BTC: variants seen among roughly 807,000 people sequenced by gnomAD.
BTC encodes probetacellulin.
In BTC, 13 loss-of-function variants were observed where a neutral mutation model predicts 18.1. The observed-to-expected ratio is 0.72, with a 90% CI of 0.47 to 1.14. The LOEUF is 1.14. Among genes scored for constraint, BTC ranks in the 50% most tolerant of loss-of-function variants. BTC has a pLI of 0.00. For synonymous variants in BTC, 83 were observed against 79.4 expected (o/e 1.05, Z -0.24); for missense variants, 247 against 224.2 (o/e 1.10, Z -0.65).
At chr4:74,769,959 T>TA in intron 2 of BTC, 99 bp downstream of exon 2, 1 of 983,390 alleles carries the variant, frequency 1.0e-6, no homozygotes, top group South Asian at 1.5e-5. Flanking sequence ...CAGTGACTGG[T>TA]ACCTTAATAT....
At chr4:74,765,855 A>T (rs1724887981) in intron 2 of BTC, among the ~76,000 whole-genome samples, 1 of 152,128 alleles carries the variant, frequency 6.6e-6, no homozygotes, top group African/African-American at 2.4e-5. Flanking sequence ...TGACAGGGAT[A>T]TGTTTGGAGA....
Position 74,746,254 on chromosome 4 carries a change from A to C in BTC, c.*423T>G, listed in dbSNP as rs1327190799. 6.6e-6 allele frequency: 1 copy of C among 152,312 alleles called. No homozygotes were observed. The highest frequency in any genetic ancestry group is 1.9e-4 in the East Asian group (1 of 5,190). The allele number at this position is 152,312 out of a possible 1,614,324, so 9.4% of individuals were successfully genotyped here. A position where few individuals can be genotyped will look rare whatever the true frequency, so the allele number is the denominator to read the frequency against. ...GTAGGAAATGAGGATTATAATAGCT[A>C]TCTCATGGATTGCTGAAAGGAATAA... On this transcript the variant is annotated 3_prime_UTR_variant, in exon 6 of 6. Transcript: ENST00000395743.
intron 3 of BTC, among the ~76,000 whole-genome samples, chr4:74,754,568 G>T (rs1176211783): frequency 6.6e-6 from 1 of 152,088 alleles, no homozygotes; most frequent in African/African-American, 2.4e-5. Flanking sequence ...AAGCTTTCTG[G>T]GCTACAAGAA....
chr4:74,769,558 G>C (rs1191711499), intron 2 of BTC, among the ~76,000 whole-genome samples: 6 of 152,160 alleles, frequency 3.9e-5, no homozygotes, highest in Non-Finnish European at 8.8e-5. Flanking sequence ...TACTGCCTTA[G>C]ACTGATAAGT....
intron 2 of BTC, among the ~76,000 whole-genome samples, chr4:74,764,252 C>A (rs1310269656): frequency 1.3e-5 from 2 of 151,894 alleles, no homozygotes; most frequent in Non-Finnish European, 1.5e-5. Flanking sequence ...AAATAAAGAC[C>A]ATATACTGTA....
chr4:74,785,612 A>G (rs60126902), intron 1 of BTC, among the ~76,000 whole-genome samples: 25,579 of 152,158 alleles, frequency 0.17, 3,408 homozygotes, highest in African/African-American at 0.38. Flanking sequence ...AATTTCCTGC[A>G]GTGTCTTTTT....
chr4:74,754,256 A>G (rs1724538656), intron 3 of BTC, among the ~76,000 whole-genome samples: 1 of 152,204 alleles, frequency 6.6e-6, no homozygotes, highest in Non-Finnish European at 1.5e-5. Context: ...TAGGGGCACT[A>G]TTTGTTCAAG....
At chr4:74,793,533 C>T (rs1335774467) in intron 1 of BTC, among the ~76,000 whole-genome samples, 2 of 152,172 alleles carry the variant, frequency 1.3e-5, no homozygotes, top group Non-Finnish European at 2.9e-5. Flanking sequence ...CTTCTCTGCC[C>T]CGCAAAATGA....
chr4:74,754,009 C>T (rs1032176740), intron 3 of BTC, among the ~76,000 whole-genome samples: 1 of 152,188 alleles, frequency 6.6e-6, no homozygotes, highest in Non-Finnish European at 1.5e-5. Context: ...TATTATTACT[C>T]TCTCTTGCAG....
At chr4:74,765,353 G>C (rs1390283820) in intron 2 of BTC, among the ~76,000 whole-genome samples, 1 of 151,930 alleles carries the variant, frequency 6.6e-6, no homozygotes, top group East Asian at 1.9e-4. Context: ...AAATTCAACA[G>C]ATGGCTTCAA....
At chr4:74,750,290 A>G (rs1355326178) in intron 4 of BTC, among the ~76,000 whole-genome samples, 1 of 152,188 alleles carries the variant, frequency 6.6e-6, no homozygotes, top group Non-Finnish European at 1.5e-5. Context: ...TTATCTTTCA[A>G]TGTTACTGTG....
intron 3 of BTC, among the ~76,000 whole-genome samples, chr4:74,751,603 T>C (rs934279741): frequency 1.2e-4 from 18 of 152,206 alleles, no homozygotes; most frequent in Non-Finnish European, 2.4e-4. Flanking sequence ...CATAAACAGA[T>C]GTCCTTAATC....
At chr4:74,759,973 A>G (rs1419446158) in intron 2 of BTC, among the ~76,000 whole-genome samples, 1 of 152,248 alleles carries the variant, frequency 6.6e-6, no homozygotes, top group African/African-American at 2.4e-5. Flanking sequence ...TCTAGTACTC[A>G]AGACAATTGT....
rs1329983555 is a variant in BTC at position 74,746,502 on chromosome 4, TA to T, written c.*174del. On this transcript the variant is annotated 3_prime_UTR_variant, in exon 6 of 6. Transcript: ENST00000395743. ...TCCCAATTACTAGACAATATACATATAATTAATGTTCTTATTAAAAAATAAT... is the reference window on the plus strand; with the variant it reads ...TCCCAATTACTAGACAATATACATATATTAATGTTCTTATTAAAAAATAAT... The T allele has an allele frequency of 6.6e-6, 1 of 152,606 alleles. No individual in the cohort carries two copies. Among genetic ancestry groups the T allele is most frequent in the Non-Finnish European group, 1.5e-5 (1 of 68,028 alleles). 9.5% of individuals were successfully genotyped at this position (152,606 alleles called of 1,614,324 possible). A position where few individuals can be genotyped will look rare whatever the true frequency, so the allele number is the denominator to read the frequency against.
chr4:74,765,536 A>G (rs1724878771), intron 2 of BTC, among the ~76,000 whole-genome samples: 1 of 152,180 alleles, frequency 6.6e-6, no homozygotes, highest in African/African-American at 2.4e-5. Flanking sequence ...ATAGTAGTCC[A>G]AGAGGGAAAA....
intron 1 of BTC, among the ~76,000 whole-genome samples, chr4:74,781,446 T>C (rs1278742087): frequency 6.6e-6 from 1 of 150,882 alleles, no homozygotes; most frequent in East Asian, 1.9e-4. Context: ...CTCTTATCCC[T>C]TGTCTTTCAA....
chr4:74,763,985 T>C (rs1329135949), intron 2 of BTC, among the ~76,000 whole-genome samples: 1 of 151,340 alleles, frequency 6.6e-6, no homozygotes, highest in Non-Finnish European at 1.5e-5. Context: ...TGTATAATTA[T>C]TGTGTTAATT....
chr4:74,791,347 GAA>G (rs758472765), intron 1 of BTC, among the ~76,000 whole-genome samples: 1 of 138,644 alleles, frequency 7.2e-6, no homozygotes, highest in Non-Finnish European at 1.5e-5. Context: ...CTCAAAAAAA[GAA>G]AAAAGAAAAA....
chr4:74,792,572 T>A lies in BTC; in HGVS notation c.64+1690A>T, dbSNP rs375122505. On this transcript the variant is annotated intron_variant, in intron 1 of 5. Coordinates refer to ENST00000395743, the MANE Select transcript of BTC (RefSeq NM_001729.4). ...CACTCCCAGTCAAGCCCTGTGATGG[T>A]GTGTGTTTAATAGCTTATTGATTCT... 1.5e-4 allele frequency among the ~76,000 whole-genome samples: 23 copies of A among 152,286 alleles called. No individual in the cohort carries two copies. In the East Asian group the frequency reaches 1.7e-3, roughly 12 times the overall value.
Sources: gnomAD v4.1 joint callset for allele counts (sites outside exome capture counted in the v4.1 genomes callset) on GRCh38, gnomAD v4.1.1 for gene constraint, MANE v1.5 for transcripts, NCBI Gene and HGNC (gene_info 2026-07-23, HGNC 2026-07-21) for gene names.